Variants in AGBL1 observed in about 807,000 individuals in gnomAD.
The protein encoded by AGBL1 is cytosolic carboxypeptidase 4.
AGBL1 carries 130 observed loss-of-function variants against 118.9 expected under a neutral mutation model. The ratio of observed to expected loss-of-function variants is 1.09; its 90% CI spans 0.95 to 1.26. The LOEUF is 1.26. Ranked by LOEUF, AGBL1 falls within the 50% of genes most tolerant of loss-of-function variation. The pLI, the probability that AGBL1 is intolerant of heterozygous loss-of-function variation, is 0.00. For synonymous variants in AGBL1, 555 were observed against 478.9 expected, an observed-to-expected ratio of 1.16 and a Z score of -2.08; for missense variants, 1,584 against 1,298.1, an observed-to-expected ratio of 1.22 and a Z score of -3.38.
chr15:86,368,759 A>G (rs113637041), intron 17 of AGBL1, among the ~76,000 whole-genome samples: 3,616 of 152,254 alleles, frequency 0.024, 57 homozygotes, highest in Middle Eastern at 0.071. Flanking sequence ...GAATGAAGGG[A>G]ATGGTGGAGA....
chr15:86,728,855 G>T (rs769362439), intron 22 of AGBL1, among the ~76,000 whole-genome samples: 1 of 152,104 alleles, frequency 6.6e-6, no homozygotes, highest in South Asian at 2.1e-4. Flanking sequence ...TTTTCCAGAT[G>T]AATCTAACCT....
intron 22 of AGBL1, among the ~76,000 whole-genome samples, chr15:86,817,697 AGG>A (rs2078885127): frequency 6.6e-6 from 1 of 151,700 alleles, no homozygotes; most frequent in Non-Finnish European, 1.5e-5. Context: ...GTGCTGGGAG[AGG>A]GTATGGGTTG....
At chr15:86,138,965 A>T in intron 1 of AGBL1, among the ~76,000 whole-genome samples, 1 of 152,168 alleles carries the variant, frequency 6.6e-6, no homozygotes, top group East Asian at 1.9e-4. Context: ...CATTCCCCCA[A>T]ATAATAGATC....
chr15:86,540,634 C>G (rs781326440), intron 19 of AGBL1, among the ~76,000 whole-genome samples: 1 of 152,014 alleles, frequency 6.6e-6, no homozygotes, highest in Non-Finnish European at 1.5e-5. Context: ...GTATTGGGAA[C>G]AGTTTCTGCT....
intron 4 of AGBL1, among the ~76,000 whole-genome samples, chr15:86,155,009 A>G (rs777247539): frequency 6.6e-6 from 1 of 152,110 alleles, no homozygotes; most frequent in Non-Finnish European, 1.5e-5. Context: ...CTTACCATTT[A>G]AAAAAACCCA....
intron 22 of AGBL1, among the ~76,000 whole-genome samples, chr15:86,691,864 C>A (rs1316586892): frequency 6.6e-6 from 1 of 152,102 alleles, no homozygotes. Context: ...TGGATAAAAT[C>A]TGGACTGGAT....
chr15:86,264,273 C>G lies in AGBL1; in HGVS notation c.1102C>G (p.Leu368Val), dbSNP rs201130765. Reference protein sequence around the residue: ...SYSFEELQSKLGDDLNSEKTQ... With the variant: ...SYSFEELQSKVGDDLNSEKTQ... ...GAACCTGAAGGAACTGCAGTCCAAA[C>G]TTGGAGATGATTTGAACTCTGAAAA... is the stretch of plus-strand genomic sequence containing the variant. The change falls in exon 11 of 23, where the codon CTT becomes GTT. Residue 368 changes from leucine (L) to valine (V), a missense_variant. Physicochemically the swap from Leu to Val is conservative, Grantham distance 32. Coordinates refer to ENST00000614907, the MANE Select transcript of AGBL1 (RefSeq NM_001386094.1). The G allele has an allele frequency of 1.4e-3, 2,160 of 1,598,794 alleles. 2 individuals carry two copies. Among genetic ancestry groups the G allele is most frequent in the Non-Finnish European group, 1.6e-3 (1,831 of 1,172,648 alleles).
chr15:86,467,990 C>T (rs2082428407), intron 18 of AGBL1, among the ~76,000 whole-genome samples: 1 of 152,034 alleles, frequency 6.6e-6, no homozygotes, highest in Non-Finnish European at 1.5e-5. Flanking sequence ...TACAGATGTT[C>T]CTTTATTTTC....
intron 24 of AGBL1, among the ~76,000 whole-genome samples, chr15:86,992,755 T>C (rs970559505): frequency 1.3e-5 from 2 of 151,620 alleles, no homozygotes; most frequent in Non-Finnish European, 2.9e-5. Flanking sequence ...CCATGCCTAA[T>C]GCTAAGCCTG....
intron 19 of AGBL1, among the ~76,000 whole-genome samples, chr15:86,523,267 C>A (rs763057712): frequency 6.6e-6 from 1 of 152,170 alleles, no homozygotes; most frequent in African/African-American, 2.4e-5. Flanking sequence ...TGCTAGCAAT[C>A]TTTAGCATTC....
At chr15:86,439,441 A>G (rs2082036190) in intron 18 of AGBL1, among the ~76,000 whole-genome samples, 1 of 152,140 alleles carries the variant, frequency 6.6e-6, no homozygotes, top group African/African-American at 2.4e-5. Flanking sequence ...TGTATGGTAC[A>G]TTTTAATTTT....
intron 18 of AGBL1, among the ~76,000 whole-genome samples, chr15:86,502,822 C>G (rs2082932942): frequency 6.6e-6 from 1 of 151,324 alleles, no homozygotes; most frequent in South Asian, 2.1e-4. Flanking sequence ...ATTTGATTTG[C>G]TAGTATTTTC....
At chr15:86,597,753 G>T (rs2084432335) in intron 21 of AGBL1, among the ~76,000 whole-genome samples, 1 of 152,078 alleles carries the variant, frequency 6.6e-6, no homozygotes, top group South Asian at 2.1e-4. Context: ...GAAGCAGTTA[G>T]GTATTTGGAA....
intron 22 of AGBL1, among the ~76,000 whole-genome samples, chr15:86,846,529 T>A (rs2079321323): frequency 6.6e-6 from 1 of 151,930 alleles, no homozygotes; most frequent in Non-Finnish European, 1.5e-5. Flanking sequence ...TTTTTTTTGT[T>A]GTTCTTTGTT....
intron 22 of AGBL1, among the ~76,000 whole-genome samples, chr15:86,880,146 C>T (rs923665414): frequency 6.6e-6 from 1 of 152,198 alleles, no homozygotes; most frequent in African/African-American, 2.4e-5. Context: ...TCACTATCAT[C>T]AGACAATGGA....
chr15:86,283,728 A>G (rs992145225), intron 16 of AGBL1, among the ~76,000 whole-genome samples: 4 of 152,168 alleles, frequency 2.6e-5, no homozygotes, highest in Admixed American at 2.6e-4. Flanking sequence ...TAGGCCAAAC[A>G]AATGACAGAC....
intron 22 of AGBL1, among the ~76,000 whole-genome samples, chr15:86,893,378 C>A (rs112071981): frequency 6.6e-6 from 1 of 152,280 alleles, no homozygotes; most frequent in African/African-American, 2.4e-5. Context: ...GTTTAAATCA[C>A]CATCAACATT....
rs139840361 is a variant in AGBL1 at position 86,767,414 on chromosome 15, C to G, written c.3158+92978C>G. Among the ~76,000 whole-genome samples the G allele has an allele frequency of 1.7e-3, 253 of 151,952 alleles. 1 individual carries two copies. Among genetic ancestry groups the G allele is most frequent in the African/African-American group, 5.6e-3 (231 of 41,506 alleles). ...TTTGCTTGTTTGAATTTCACTTTCTCTAAGAACTTCAACATTAAGAAGAAC... is the reference window on the plus strand; with the variant it reads ...TTTGCTTGTTTGAATTTCACTTTCTGTAAGAACTTCAACATTAAGAAGAAC... On this transcript the variant is annotated intron_variant, in intron 22 of 22. Coordinates refer to ENST00000614907, the MANE Select transcript of AGBL1 (RefSeq NM_001386094.1).
chr15:86,422,655 C>G (rs1227038147), intron 18 of AGBL1, among the ~76,000 whole-genome samples: 1 of 151,922 alleles, frequency 6.6e-6, no homozygotes, highest in African/African-American at 2.4e-5. Context: ...AATCCAGGAG[C>G]TGATTTTTTT....
Sources: allele counts gnomAD v4.1 joint callset (sites outside exome capture counted in the v4.1 genomes callset), GRCh38; gene constraint gnomAD v4.1.1; transcripts MANE v1.5; gene names NCBI Gene and HGNC (gene_info 2026-07-23, HGNC 2026-07-21).